The following CLN3 variants were observed in gnomAD, a reference collection of about 807,000 sequenced individuals.
CLN3 encodes battenin.
CLN3 carries 49 observed loss-of-function variants against 60.7 expected under a neutral mutation model. The ratio of observed to expected loss-of-function variants is 0.81; its 90% CI spans 0.64 to 1.02. The LOEUF (loss-of-function observed/expected upper bound fraction) is 1.02, where lower values mean the gene tolerates loss of function less well. Ranked by LOEUF, CLN3 falls within the 50% of genes least tolerant of loss-of-function variation. The pLI, the probability that CLN3 is intolerant of heterozygous loss-of-function variation, is 0.00. For synonymous variants in CLN3, 256 were observed against 245.8 expected (o/e 1.04, Z -0.39); for missense variants, 516 against 557.4 (o/e 0.93, Z 0.75).
At chr16:28,477,130 T>G, downstream of CLN3, 1 of 324,280 alleles carries the variant, frequency 3.1e-6, no homozygotes, top group South Asian at 2.6e-5. Flanking sequence ...AGTGAGACTC[T>G]GTCAAAACAA....
intron 7 of CLN3, chr16:28,487,209 T>C: frequency 1.7e-6 from 1 of 585,700 alleles, no homozygotes; most frequent in Non-Finnish European, 3.1e-6. Flanking sequence ...CTGTGCCTGG[T>C]CCATCACAGA....
At chr16:28,474,977 C>T (rs1455341503), downstream of CLN3, among the ~76,000 whole-genome samples, 2 of 152,276 alleles carry the variant, frequency 1.3e-5, no homozygotes, top group East Asian at 3.9e-4. Flanking sequence ...GGGCCAGGTG[C>T]AGTGGCTCAC....
At chr16:28,472,642 G>A (rs375657997), downstream of CLN3, among the ~76,000 whole-genome samples, 3 of 150,182 alleles carry the variant, frequency 2.0e-5, no homozygotes, top group African/African-American at 7.3e-5. Flanking sequence ...GGAGTTTGAG[G>A]CCAGCCTGGC....
rs1064794233 is a variant in CLN3 at position 28,484,012 on chromosome 16, T to A, written c.784A>T (p.Lys262Ter). ...PLIRTEAPES[K>*]PGSSSSLSLR... Reference sequence around the variant, plus strand: ...GAGGGTCTGTGTCTCCTACCTGGCTTCGACTCCGGGGCCTCGGTTCTTATG... The same window carrying A: ...GAGGGTCTGTGTCTCCTACCTGGCTACGACTCCGGGGCCTCGGTTCTTATG... The change falls in exon 10 of 16, where the codon AAG becomes TAG. Residue 262 changes from lysine to a stop codon, truncating the protein, a stop_gained. Transcript: ENST00000636147. LOFTEE classifies it high-confidence loss of function. The A allele has an allele frequency of 6.2e-7, 1 of 1,607,218 alleles. No individual in the cohort carries two copies. Among genetic ancestry groups the A allele is most frequent in the South Asian group, 1.1e-5 (1 of 89,530 alleles).
intron 14 of CLN3, among the ~76,000 whole-genome samples, chr16:28,481,440 A>ACACACACACACG: frequency 7.5e-6 from 1 of 133,776 alleles, no homozygotes; most frequent in Non-Finnish European, 1.6e-5. Context: ...ACACACACAC[A>ACACACACACACG]CACACACACA....
chr16:28,483,940 G>T, intron 10 of CLN3, 66 bp downstream of exon 10: 2 of 1,126,724 alleles, frequency 1.8e-6, no homozygotes, highest in African/African-American at 1.5e-5. Flanking sequence ...TTTGCCTATT[G>T]CAGAGAGGAA....
chr16:28,486,337 G>C lies in CLN3; in HGVS notation c.677+10C>G. On this transcript the variant is annotated intron_variant, in intron 9 of 15. Coordinates refer to ENST00000636147, the MANE Select transcript of CLN3 (RefSeq NM_001042432.2). Reference sequence around the variant, plus strand: ...TGGACCCCTCTCCCTCCCGGCTCAGGGCAGCTCACCTGGCCAGCAGCAGGG... The same window carrying C: ...TGGACCCCTCTCCCTCCCGGCTCAGCGCAGCTCACCTGGCCAGCAGCAGGG... 1.2e-6 allele frequency: 2 copies of C among 1,611,758 alleles called. No homozygotes were observed. Among genetic ancestry groups the C allele is most frequent in the Non-Finnish European group, 8.5e-7 (1 of 1,179,952 alleles).
intron 14 of CLN3, among the ~76,000 whole-genome samples, chr16:28,480,459 A>G (rs1268450170): frequency 6.6e-6 from 1 of 151,456 alleles, no homozygotes; most frequent in African/African-American, 2.4e-5. Context: ...GGAGTACAGT[A>G]CTGCAATCTC....
intron 5 of CLN3, 60 bp from the exon 6 acceptor site, chr16:28,487,801 G>A (rs926117902): frequency 1.1e-5 from 15 of 1,420,582 alleles, no homozygotes; most frequent in South Asian, 6.0e-5. Flanking sequence ...TCCCAACCAC[G>A]TGGCCAAGGA....
At position 28,488,582 on chromosome 16, in the gene CLN3, A is replaced by C; in HGVS notation, c.294+9T>G. ...GGTCAGGCAAGGACCAGGTGAGATG[A>C]GTACGCACAGCCGTAGAGACAGAGT... On this transcript the variant is annotated intron_variant, in intron 5 of 15. Transcript: ENST00000636147. The C allele has an allele frequency of 6.2e-7, 1 of 1,613,822 alleles. No individual in the cohort carries two copies. The highest frequency in any genetic ancestry group is 8.5e-7 in the Non-Finnish European group (1 of 1,179,766).
At chr16:28,487,415 T>A (rs762602026) in intron 7 of CLN3, 41 bp downstream of exon 7, 1 of 1,500,260 alleles carries the variant, frequency 6.7e-7, no homozygotes, top group South Asian at 1.1e-5. Context: ...TCTGATGTGG[T>A]TCCTCGGGGC....
rs1279197325 is a variant in CLN3 at position 28,477,434 on chromosome 16, G to C, written c.*82C>G. 27 of 1,582,114 alleles carry C rather than the reference G, an allele frequency of 1.7e-5. No homozygotes were observed. The highest frequency in any genetic ancestry group is 2.3e-4 in the Middle Eastern group (1 of 4,430). Reference sequence around the variant, plus strand: ...GAAGGCTGGGAGCACAGTTCATGGAGGGTCTCTGGGGTGGGCCTGGGTGTC... The same window carrying C: ...GAAGGCTGGGAGCACAGTTCATGGACGGTCTCTGGGGTGGGCCTGGGTGTC... On this transcript the variant is annotated 3_prime_UTR_variant, in exon 16 of 16. Transcript: ENST00000636147.
chr16:28,481,417 AAC>A (rs767753225), intron 14 of CLN3, among the ~76,000 whole-genome samples: 11,500 of 129,392 alleles, frequency 0.089, 516 homozygotes, highest in East Asian at 0.13. Context: ...CAATGCTTAA[AAC>A]ACACACACAC....
chr16:28,487,293 C>T, intron 7 of CLN3, 163 bp downstream of exon 7: 2 of 703,310 alleles, frequency 2.8e-6, no homozygotes, highest in Non-Finnish European at 5.3e-6. Context: ...CCTACCCCTC[C>T]AAATTGTCCC....
At chr16:28,478,617 T>TAAAAAAAAAAAAAAAA (rs766238150) in intron 14 of CLN3, among the ~76,000 whole-genome samples, 7 of 74,354 alleles carry the variant, frequency 9.4e-5, no homozygotes, top group African/African-American at 5.4e-4. Flanking sequence ...TCCTGTCTCA[T>TAAAAAAAAAAAAAAAA]AAAAAAAAAA....
intron 3 of CLN3, chr16:28,490,304 T>G (rs1165232412): frequency 2.0e-5 from 3 of 151,568 alleles, no homozygotes. Context: ...ATTAGCTGTG[T>G]CTGGTGGCAC....
chr16:28,488,519 A>G (rs2046259507), intron 5 of CLN3, 72 bp downstream of exon 5: 2 of 1,341,806 alleles, frequency 1.5e-6, no homozygotes, highest in African/African-American at 2.9e-5. Context: ...CTGGGTAGTG[A>G]AGGGCTGGGA....
At chr16:28,482,570 G>T (rs45542432) in intron 11 of CLN3, 25 bp from the exon 12 acceptor site, 2 of 1,614,030 alleles carry the variant, frequency 1.2e-6, no homozygotes, top group East Asian at 2.2e-5. Context: ...AGATATAAGC[G>T]GGGGGCCTGG....
intron 5 of CLN3, 55 bp from the exon 6 acceptor site, chr16:28,487,796 A>C: frequency 6.9e-7 from 1 of 1,458,462 alleles, no homozygotes; most frequent in Admixed American, 1.8e-5. Context: ...AACCCTCCCA[A>C]CCACGTGGCC....
Sources: gnomAD v4.1 joint callset for allele counts (sites outside exome capture counted in the v4.1 genomes callset) on GRCh38, gnomAD v4.1.1 for gene constraint, MANE v1.5 for transcripts, NCBI Gene and HGNC (gene_info 2026-07-23, HGNC 2026-07-21) for gene names.